The following CDK6 variants were observed in gnomAD, a reference collection of about 807,000 sequenced individuals.
The protein encoded by CDK6 is cyclin dependent kinase 6, also known as cyclin-dependent kinase 6.
CDK6 carries 6 observed loss-of-function variants against 37.1 expected under a neutral mutation model. That is an observed-to-expected ratio of 0.16 (90% CI 0.09 to 0.32). The LOEUF (loss-of-function observed/expected upper bound fraction) is 0.32. CDK6 is among the 10% of genes least tolerant of loss of function. CDK6 has a pLI of 1.00. For missense variants in CDK6, 224 were observed against 418.9 expected (o/e 0.53, Z 4.06); for synonymous variants, 160 against 161.3 (o/e 0.99, Z 0.06).
At chr7:92,633,425 G>A (rs527584667) in intron 5 of CDK6, among the ~76,000 whole-genome samples, 7 of 152,172 alleles carry the variant, frequency 4.6e-5, no homozygotes, top group Admixed American at 1.3e-4. Flanking sequence ...GACACATTGG[G>A]TTTGTGACAG....
At chr7:92,717,875 T>C (rs1000413564) in intron 4 of CDK6, among the ~76,000 whole-genome samples, 3 of 152,248 alleles carry the variant, frequency 2.0e-5, no homozygotes, top group African/African-American at 7.2e-5. Context: ...ATTCTCTTTC[T>C]ACATGGCAGA....
At chr7:92,660,784 G>T (rs1296705009) in intron 5 of CDK6, among the ~76,000 whole-genome samples, 1 of 152,130 alleles carries the variant, frequency 6.6e-6, no homozygotes, top group Non-Finnish European at 1.5e-5. Flanking sequence ...GGACCCAGCT[G>T]GGGGGCTGCG....
intron 3 of CDK6, among the ~76,000 whole-genome samples, chr7:92,760,609 G>C (rs1799430258): frequency 6.6e-6 from 1 of 152,100 alleles, no homozygotes; most frequent in Non-Finnish European, 1.5e-5. Context: ...GGCAAAACCA[G>C]TCAATTATTG....
At chr7:92,625,259 C>CCT (rs1336562695) in intron 5 of CDK6, among the ~76,000 whole-genome samples, 1 of 147,114 alleles carries the variant, frequency 6.8e-6, no homozygotes, top group Admixed American at 6.8e-5. Flanking sequence ...CACACACACA[C>CCT]CTCTCTTATT....
intron 4 of CDK6, among the ~76,000 whole-genome samples, chr7:92,684,121 G>A (rs933148138): frequency 6.6e-6 from 1 of 152,156 alleles, no homozygotes; most frequent in African/African-American, 2.4e-5. Flanking sequence ...TTAATGGTGT[G>A]AGGCGAGTAT....
intron 5 of CDK6, among the ~76,000 whole-genome samples, chr7:92,666,096 T>A (rs369535525): frequency 1.3e-5 from 2 of 152,364 alleles, no homozygotes; most frequent in East Asian, 3.9e-4. Flanking sequence ...TGGAGGATGG[T>A]GAGCCTCGCT....
intron 6 of CDK6, among the ~76,000 whole-genome samples, chr7:92,620,518 C>A (rs575374087): frequency 6.6e-6 from 1 of 152,288 alleles, no homozygotes; most frequent in South Asian, 2.1e-4. Context: ...CTTAAAAATG[C>A]TCTAAGATGT....
At chr7:92,672,670 T>C (rs1324377289) in intron 4 of CDK6, among the ~76,000 whole-genome samples, 1 of 152,112 alleles carries the variant, frequency 6.6e-6, no homozygotes, top group Non-Finnish European at 1.5e-5. Context: ...GGAGGTGCAT[T>C]CTTTATTGTC....
chr7:92,817,682 A>C (rs1801064840), intron 2 of CDK6, among the ~76,000 whole-genome samples: 1 of 145,216 alleles, frequency 6.9e-6, no homozygotes, highest in Admixed American at 6.8e-5. Context: ...AATAAAAGAC[A>C]TATATATATA....
chr7:92,711,948 G>T (rs896848109), intron 4 of CDK6, among the ~76,000 whole-genome samples: 11 of 151,902 alleles, frequency 7.2e-5, no homozygotes, highest in African/African-American at 2.4e-4. Flanking sequence ...TGACACTTTG[G>T]GAGGCTGAGG....
At chr7:92,698,568 C>T (rs540209896) in intron 4 of CDK6, among the ~76,000 whole-genome samples, 18 of 152,150 alleles carry the variant, frequency 1.2e-4, no homozygotes, top group East Asian at 1.9e-4. Flanking sequence ...AAATACAGTA[C>T]GCTCCCTGGC....
At chr7:92,651,796 C>T (rs1796580841) in intron 5 of CDK6, among the ~76,000 whole-genome samples, 1 of 150,416 alleles carries the variant, frequency 6.6e-6, no homozygotes, top group African/African-American at 2.5e-5. Context: ...CTGGTGTCAG[C>T]TGTTAACTCT....
At chr7:92,672,881 C>A (rs1797123282) in intron 4 of CDK6, among the ~76,000 whole-genome samples, 1 of 152,208 alleles carries the variant, frequency 6.6e-6, no homozygotes, top group Admixed American at 6.5e-5. Context: ...CGGCTGCCAT[C>A]AATTTCCTTC....
chr7:92,835,660 C>T lies in CDK6; in HGVS notation c.-368+818G>A, dbSNP rs991081474. Among the ~76,000 whole-genome samples, 11 of 152,190 alleles carry T rather than the reference C, an allele frequency of 7.2e-5. No homozygotes were observed. Among genetic ancestry groups the T allele is most frequent in the Admixed American group, 6.5e-4 (10 of 15,290 alleles). Reference sequence around the variant, plus strand: ...ACACTCAATGAAATCCTTCATGCGCCTCTCCCGAAGCCTGCCAAGCACCAC... The same window carrying T: ...ACACTCAATGAAATCCTTCATGCGCTTCTCCCGAAGCCTGCCAAGCACCAC... On this transcript the variant is annotated intron_variant, in intron 1 of 7. Coordinates refer to ENST00000424848, the MANE Select transcript of CDK6 (RefSeq NM_001145306.2). This position sits in a 1 kb window ranked among gnomAD's most constrained non-coding sequence, Gnocchi z 4.2.
intron 3 of CDK6, among the ~76,000 whole-genome samples, chr7:92,763,228 T>C (rs1006909550): frequency 6.6e-6 from 1 of 152,230 alleles, no homozygotes; most frequent in African/African-American, 2.4e-5. Context: ...TTTCAATATA[T>C]GAGCCTCAGA....
rs374250829 is a variant in CDK6 at position 92,818,455 on chromosome 7, A to G, written c.233+14636T>C. Among the ~76,000 whole-genome samples the G allele has an allele frequency of 5.9e-5, 9 of 152,010 alleles. No individual in the cohort carries two copies. The South Asian group carries it at 1.9e-3, about 31-fold the overall frequency. On this transcript the variant is annotated intron_variant, in intron 2 of 7. Coordinates refer to ENST00000424848, the MANE Select transcript of CDK6 (RefSeq NM_001145306.2). ...AAACACAAAGACTTGACTTGAATGC[A>G]TCACAAATCTAAAATAAAAGCAAAA...
At position 92,606,860 on chromosome 7, in the gene CDK6, T is replaced by C. The variant is rs952535037; in HGVS notation, c.*8280A>G. The C allele has an allele frequency of 2.6e-5, 6 of 232,844 alleles. No individual in the cohort carries two copies. Among genetic ancestry groups the C allele is most frequent in the Admixed American group, 5.6e-5 (1 of 17,778 alleles). The allele number at this position is 232,844 out of a possible 1,614,324, so 14.4% of individuals were successfully genotyped here. ...AATTTGCACTCTACGTGAACCAATA[T>C]TTTTCTTTTCTTAACACATACTGCT... is the stretch of plus-strand genomic sequence containing the variant. On this transcript the variant is annotated 3_prime_UTR_variant, in exon 8 of 8. Transcript: ENST00000424848.
At chr7:92,690,113 A>C (rs1487797834) in intron 4 of CDK6, among the ~76,000 whole-genome samples, 2 of 152,024 alleles carry the variant, frequency 1.3e-5, no homozygotes, top group African/African-American at 4.8e-5. Context: ...GCTGTGCAGA[A>C]GCTCTTTAGT....
At chr7:92,708,837 G>A (rs530964898) in intron 4 of CDK6, among the ~76,000 whole-genome samples, 3 of 152,148 alleles carry the variant, frequency 2.0e-5, no homozygotes, top group Admixed American at 2.0e-4. Flanking sequence ...ATCATACCAG[G>A]AGAAATTACT....
Sources: allele counts gnomAD v4.1 joint callset (sites outside exome capture counted in the v4.1 genomes callset), GRCh38; gene constraint gnomAD v4.1.1; non-coding constraint Gnocchi (gnomAD v3.1); transcripts MANE v1.5; gene names NCBI Gene and HGNC (gene_info 2026-07-23, HGNC 2026-07-21).